CORO2A: variants seen among roughly 807,000 people sequenced by gnomAD.
CORO2A encodes coronin 2A.
CORO2A carries 47 observed loss-of-function variants against 62.4 expected under a neutral mutation model. The ratio of observed to expected loss-of-function variants is 0.75; its 90% CI spans 0.60 to 0.96. The LOEUF (loss-of-function observed/expected upper bound fraction) is 0.96. Among genes scored for constraint, CORO2A ranks in the 40% least tolerant of loss-of-function variants. The pLI, the probability that CORO2A is intolerant of heterozygous loss-of-function variation, is 0.00. For missense variants in CORO2A, 610 were observed against 684.1 expected (o/e 0.89, Z 1.21); for synonymous variants, 273 against 268.9 (o/e 1.02, Z -0.15).
At chr9:98,139,487 C>A (rs759845664) in intron 2 of CORO2A, among the ~76,000 whole-genome samples, 1 of 152,138 alleles carries the variant, frequency 6.6e-6, no homozygotes, top group African/African-American at 2.4e-5. Context: ...ATTAGCCGGG[C>A]GTGGTGGCAC....
At chr9:98,153,649 AACAC>A (rs55685018) in intron 2 of CORO2A, among the ~76,000 whole-genome samples, 27,029 of 133,756 alleles carry the variant, frequency 0.2, 2,567 homozygotes, top group Middle Eastern at 0.28. Flanking sequence ...TCTGTTTCCA[AACAC>A]ACACACACAC....
chr9:98,181,669 G>C (rs1368571353), intron 1 of CORO2A, among the ~76,000 whole-genome samples: 4 of 152,054 alleles, frequency 2.6e-5, no homozygotes, highest in African/African-American at 7.3e-5. Flanking sequence ...CCTCCAGCCG[G>C]AGGGCTTTGG....
chr9:98,131,901 C>G (rs538804458), intron 6 of CORO2A, among the ~76,000 whole-genome samples: 8 of 152,114 alleles, frequency 5.3e-5, no homozygotes, highest in African/African-American at 1.9e-4. Flanking sequence ...CTCCTTCTCC[C>G]TTCCTCCTAG....
At chr9:98,157,878 T>C (rs1315699555) in intron 1 of CORO2A, among the ~76,000 whole-genome samples, 9 of 152,212 alleles carry the variant, frequency 5.9e-5, no homozygotes, top group Non-Finnish European at 1.2e-4. Flanking sequence ...GCATAGCTAT[T>C]ACTGACCTGC....
intron 1 of CORO2A, among the ~76,000 whole-genome samples, chr9:98,167,835 C>T (rs1827981903): frequency 2.0e-5 from 3 of 152,126 alleles, no homozygotes; most frequent in South Asian, 2.1e-4. Context: ...AAATAACTTG[C>T]GGTTGTTGGA....
intron 1 of CORO2A, among the ~76,000 whole-genome samples, chr9:98,163,616 T>G (rs1169336587): frequency 6.6e-6 from 1 of 152,138 alleles, no homozygotes; most frequent in Non-Finnish European, 1.5e-5. Context: ...GAAGTCATGT[T>G]ATGATGAGCA....
chr9:98,185,576 T>A (rs1023371514), intron 1 of CORO2A, among the ~76,000 whole-genome samples: 2 of 152,208 alleles, frequency 1.3e-5, no homozygotes, highest in Non-Finnish European at 2.9e-5. Context: ...CAGGTCTACC[T>A]GGTCAGCCAG....
In CORO2A at chr9:98,126,721, CG is replaced by C. The variant is rs776181410; in HGVS notation, c.1273del (p.Arg425GlyfsTer3). ...CAGCTTTTCTGTCTGATTCAAGAGC[CG>C]GGGTGAGGCTGGGGCCATGGAATTG... ...IFNSMAPASP[R>X]LLNQTEKLAA... On this transcript the variant is annotated frameshift_variant, in exon 11 of 12. Transcript: ENST00000375077. LOFTEE classifies it high-confidence loss of function. The C allele has an allele frequency of 2.5e-6, 4 of 1,614,156 alleles. No homozygotes were observed. Among genetic ancestry groups the C allele is most frequent in the Non-Finnish European group, 3.4e-6 (4 of 1,180,034 alleles).
chr9:98,169,175 A>G (rs1828000290), intron 1 of CORO2A, among the ~76,000 whole-genome samples: 1 of 152,198 alleles, frequency 6.6e-6, no homozygotes, highest in African/African-American at 2.4e-5. Context: ...AAATGCAAAG[A>G]GTCCCGTCCT....
chr9:98,168,235 A>G (rs1324307487), intron 1 of CORO2A, among the ~76,000 whole-genome samples: 1 of 152,284 alleles, frequency 6.6e-6, no homozygotes, highest in Non-Finnish European at 1.5e-5. Context: ...CCCAATGAAC[A>G]GTGTAATTAA....
intron 1 of CORO2A, among the ~76,000 whole-genome samples, chr9:98,187,003 G>A (rs1828246939): frequency 6.6e-6 from 1 of 152,182 alleles, no homozygotes; most frequent in Admixed American, 6.5e-5. Context: ...GCTTTGGCCA[G>A]GCGCGGTGGC....
chr9:98,174,702 C>T lies in CORO2A; in HGVS notation c.1-17042G>A, dbSNP rs571248479. Among the ~76,000 whole-genome samples the T allele has an allele frequency of 5.3e-5, 8 of 152,230 alleles. No individual in the cohort carries two copies. In the South Asian group the frequency reaches 1.7e-3, roughly 32 times the overall value. On this transcript the variant is annotated intron_variant, in intron 1 of 11. Transcript: ENST00000375077. ...GCAGTTTCCCCTGCGAGTTATCTCC[C>T]TCCTGCAGCCCTGTGAAGAAGGTGC... is the stretch of plus-strand genomic sequence containing the variant.
intron 2 of CORO2A, among the ~76,000 whole-genome samples, chr9:98,141,987 CT>C (rs1408013575): frequency 6.6e-6 from 1 of 151,758 alleles, no homozygotes; most frequent in Non-Finnish European, 1.5e-5. Context: ...ATGGTTATAT[CT>C]AGATGGTGGA....
At chr9:98,154,129 T>C (rs1827767118) in intron 2 of CORO2A, among the ~76,000 whole-genome samples, 1 of 151,244 alleles carries the variant, frequency 6.6e-6, no homozygotes, top group South Asian at 2.1e-4. Context: ...GATTGATCAA[T>C]ATTTTTTTCT....
chr9:98,138,955 T>C (rs1827529773), intron 2 of CORO2A, among the ~76,000 whole-genome samples: 1 of 148,636 alleles, frequency 6.7e-6, no homozygotes, highest in Non-Finnish European at 1.5e-5. Context: ...GCTGAGGCAG[T>C]AGAATCGCTT....
At position 98,140,442 on chromosome 9, in the gene CORO2A, GT is replaced by G. The variant is rs751439267; in HGVS notation, c.202-2755del. Among the ~76,000 whole-genome samples, 607 of 141,036 alleles carry G rather than the reference GT, an allele frequency of 4.3e-3. 2 individuals are homozygous for G. Among genetic ancestry groups the G allele is most frequent in the Middle Eastern group, 7.2e-3 (2 of 276 alleles). The allele number at this position is 141,036 out of a possible 152,430, so 92.5% of individuals were successfully genotyped here. A position where few individuals can be genotyped will look rare whatever the true frequency, so the allele number is the denominator to read the frequency against. On this transcript the variant is annotated intron_variant, in intron 2 of 11. Transcript: ENST00000375077. ...CATCTGTGTAGAGACCACTGTACTT[GT>G]TTTTTTTTTTTTTAAGAGACAGGGT...
intron 4 of CORO2A, among the ~76,000 whole-genome samples, chr9:98,134,034 G>C (rs1268926356): frequency 6.6e-6 from 1 of 152,130 alleles, no homozygotes; most frequent in Admixed American, 6.5e-5. Flanking sequence ...TTACAGGTGT[G>C]AGCCACCATG....
At chr9:98,136,053 G>A (rs985791305) in intron 3 of CORO2A, among the ~76,000 whole-genome samples, 4 of 152,216 alleles carry the variant, frequency 2.6e-5, no homozygotes, top group South Asian at 2.1e-4. Context: ...GCATAGCTTC[G>A]GGGAGGAAAG....
chr9:98,157,316 G>C (rs1827817830), intron 2 of CORO2A, 144 bp downstream of exon 2: 3 of 749,098 alleles, frequency 4.0e-6, no homozygotes, highest in African/African-American at 1.8e-5. Context: ...GGAAACCAAG[G>C]CTCAAAGAGA....
Sources: gnomAD v4.1 joint callset for allele counts (sites outside exome capture counted in the v4.1 genomes callset) on GRCh38, gnomAD v4.1.1 for gene constraint, MANE v1.5 for transcripts, NCBI Gene and HGNC (gene_info 2026-07-23, HGNC 2026-07-21) for gene names.